PKIB: variants seen among roughly 807,000 people sequenced by gnomAD.
The protein encoded by PKIB is cAMP-dependent protein kinase inhibitor beta.
A neutral mutation model predicts 4.5 loss-of-function variants in PKIB; 2 were observed. The observed-to-expected ratio is 0.44, with a 90% CI of 0.18 to 1.39. The LOEUF is 1.39. Among genes scored for constraint, PKIB ranks in the 40% most tolerant of loss-of-function variants. The pLI is 0.27. For synonymous variants in PKIB, 38 were observed against 36.0 expected (o/e 1.06, Z -0.20); for missense variants, 94 against 92.6 (o/e 1.02, Z -0.06).
upstream of PKIB, among the ~76,000 whole-genome samples, chr6:122,608,534 C>CA (rs1774622146): frequency 6.6e-6 from 1 of 152,174 alleles, no homozygotes; most frequent in African/African-American, 2.4e-5. Context: ...GAGAGGCCAT[C>CA]AAAAATCTTA....
At chr6:122,502,650 A>G (rs560481534) in intron 2 of PKIB, among the ~76,000 whole-genome samples, 10 of 152,210 alleles carry the variant, frequency 6.6e-5, no homozygotes, top group African/African-American at 2.2e-4. Flanking sequence ...CCCTTCCTCA[A>G]CCTGTGGGGA....
At chr6:122,722,837 C>A (rs1779796861) in intron 4 of PKIB, among the ~76,000 whole-genome samples, 1 of 152,128 alleles carries the variant, frequency 6.6e-6, no homozygotes, top group African/African-American at 2.4e-5. Context: ...TTCTGTGGCT[C>A]CAAATCTTCT....
intron 3 of PKIB, among the ~76,000 whole-genome samples, chr6:122,690,831 T>A (rs913750328): frequency 6.6e-6 from 1 of 151,940 alleles, no homozygotes; most frequent in African/African-American, 2.4e-5. Flanking sequence ...CTTTAGTATT[T>A]CTTGTAAGAC....
At chr6:122,641,972 C>T (rs539305249) in intron 2 of PKIB, among the ~76,000 whole-genome samples, 15 of 152,316 alleles carry the variant, frequency 9.8e-5, no homozygotes, top group East Asian at 1.9e-4. Context: ...GGATTGCAGG[C>T]GTGAGCCACA....
chr6:122,597,244 C>T (rs775821574), intron 3 of PKIB, among the ~76,000 whole-genome samples: 5 of 152,092 alleles, frequency 3.3e-5, no homozygotes, highest in Admixed American at 6.5e-5. Context: ...CTTGTAGAAG[C>T]GAAAAGTGAT....
chr6:122,594,874 A>G (rs116184126), intron 3 of PKIB, among the ~76,000 whole-genome samples: 209 of 152,228 alleles, frequency 1.4e-3, no homozygotes, highest in African/African-American at 4.8e-3. Context: ...TTGGTTATGG[A>G]GTAGTAGACT....
chr6:122,590,853 T>C (rs1393540943), intron 3 of PKIB, among the ~76,000 whole-genome samples: 1 of 152,110 alleles, frequency 6.6e-6, no homozygotes, highest in Non-Finnish European at 1.5e-5. Context: ...AGGGCTGCCC[T>C]CTGCCCACAA....
At chr6:122,708,586 T>C (rs1779150078) in intron 3 of PKIB, among the ~76,000 whole-genome samples, 1 of 152,146 alleles carries the variant, frequency 6.6e-6, no homozygotes, top group Non-Finnish European at 1.5e-5. Context: ...TGTAAATGAT[T>C]TTTTGAATGC....
chr6:122,594,145 A>G (rs185728817), intron 3 of PKIB, among the ~76,000 whole-genome samples: 3 of 152,352 alleles, frequency 2.0e-5, no homozygotes, highest in African/African-American at 7.2e-5. Flanking sequence ...AACAATACTT[A>G]AATGCTGATG....
chr6:122,604,305 G>C (rs1451632143), intron 3 of PKIB, among the ~76,000 whole-genome samples: 2 of 152,110 alleles, frequency 1.3e-5, no homozygotes, highest in East Asian at 3.8e-4. Context: ...ACACATGGAG[G>C]AAAGTCTGTA....
intron 2 of PKIB, among the ~76,000 whole-genome samples, chr6:122,571,660 G>A (rs1223673366): frequency 6.6e-6 from 1 of 152,184 alleles, no homozygotes; most frequent in African/African-American, 2.4e-5. Flanking sequence ...TAAATGGAGA[G>A]ATAAAGTATT....
chr6:122,490,454 T>TTGG (rs1436624334), intron 2 of PKIB, among the ~76,000 whole-genome samples: 2 of 152,126 alleles, frequency 1.3e-5, no homozygotes, highest in Non-Finnish European at 2.9e-5. Flanking sequence ...ATTCCAAATG[T>TTGG]TGGAGGTGGG....
chr6:122,538,730 C>A (rs1777488656), intron 2 of PKIB, among the ~76,000 whole-genome samples: 1 of 152,022 alleles, frequency 6.6e-6, no homozygotes, highest in African/African-American at 2.4e-5. Flanking sequence ...TCATTGGTAG[C>A]TTGATGGGGA....
chr6:122,606,938 T>G (rs1364146347), upstream of PKIB, among the ~76,000 whole-genome samples: 1 of 152,070 alleles, frequency 6.6e-6, no homozygotes, highest in African/African-American at 2.4e-5. Flanking sequence ...CTGCATTTAG[T>G]CTTTCCCAAA....
At chr6:122,575,154 A>C (rs1242849268) in intron 2 of PKIB, among the ~76,000 whole-genome samples, 3 of 152,184 alleles carry the variant, frequency 2.0e-5, no homozygotes, top group Non-Finnish European at 4.4e-5. Flanking sequence ...AAAAATGCTC[A>C]CCATTGCTAA....
chr6:122,627,900 AAAAT>A (rs201674540), intron 1 of PKIB, among the ~76,000 whole-genome samples: 1,984 of 152,238 alleles, frequency 0.013, 14 homozygotes, highest in African/African-American at 0.018. Flanking sequence ...TAAAATAAGG[AAAAT>A]AAATAAGTAA....
chr6:122,492,536 A>T (rs1377449185), intron 2 of PKIB, among the ~76,000 whole-genome samples: 5 of 152,166 alleles, frequency 3.3e-5, no homozygotes, highest in Admixed American at 6.5e-5. Context: ...GACTTAAGAG[A>T]CATTCTTTCA....
At chr6:122,627,287 T>C (rs999515082) in intron 1 of PKIB, among the ~76,000 whole-genome samples, 13 of 151,770 alleles carry the variant, frequency 8.6e-5, no homozygotes, top group African/African-American at 3.1e-4. Flanking sequence ...AAATTTTAAC[T>C]CCTGTGGGTT....
intron 3 of PKIB, among the ~76,000 whole-genome samples, chr6:122,692,962 TAA>T (rs1430250079): frequency 1.3e-5 from 2 of 152,242 alleles, no homozygotes; most frequent in Non-Finnish European, 2.9e-5. Flanking sequence ...CTATTCAAGT[TAA>T]GAGAAGGTAG....
Sources: allele counts gnomAD v4.1 joint callset (sites outside exome capture counted in the v4.1 genomes callset), GRCh38; gene constraint gnomAD v4.1.1; transcripts MANE v1.5; gene names NCBI Gene and HGNC (gene_info 2026-07-23, HGNC 2026-07-21).